Variants in MAGI2 observed in about 807,000 individuals in gnomAD.
MAGI2 encodes the protein membrane-associated guanylate kinase, WW and PDZ domain-containing protein 2.
A neutral mutation model predicts 133.3 loss-of-function variants in MAGI2; 35 were observed. The observed-to-expected ratio is 0.26, with a 90% CI of 0.20 to 0.35. MAGI2 has a LOEUF of 0.35. Among genes scored for constraint, MAGI2 ranks in the 10% least tolerant of loss-of-function variants. The pLI, the probability that MAGI2 is intolerant of heterozygous loss-of-function variation, is 1.00. For synonymous variants in MAGI2, 729 were observed against 710.6 expected (o/e 1.03, Z -0.41); for missense variants, 1,636 against 1,863.4 (o/e 0.88, Z 2.25).
intron 6 of MAGI2, among the ~76,000 whole-genome samples, chr7:78,386,997 A>T (rs1258392243): frequency 6.6e-6 from 1 of 152,232 alleles, no homozygotes; most frequent in Non-Finnish European, 1.5e-5. Flanking sequence ...TTGGTCTCAG[A>T]TTCTTCTGAG....
At chr7:78,721,929 T>G (rs1207920665) in intron 2 of MAGI2, among the ~76,000 whole-genome samples, 4 of 151,854 alleles carry the variant, frequency 2.6e-5, no homozygotes, top group Non-Finnish European at 4.4e-5. Flanking sequence ...ACTAGCAAAC[T>G]TGATTGTTTA....
At chr7:79,334,791 A>C (rs1840318848) in intron 1 of MAGI2, among the ~76,000 whole-genome samples, 1 of 152,180 alleles carries the variant, frequency 6.6e-6, no homozygotes, top group African/African-American at 2.4e-5. Flanking sequence ...TGTAATGATG[A>C]CATAGTCTGT....
At chr7:79,167,100 T>C (rs1825003834) in intron 1 of MAGI2, among the ~76,000 whole-genome samples, 1 of 152,096 alleles carries the variant, frequency 6.6e-6, no homozygotes. Context: ...CACATTTTTG[T>C]TCCAATTTAA....
chr7:79,222,025 A>G (rs1464867667), intron 1 of MAGI2, among the ~76,000 whole-genome samples: 3 of 152,078 alleles, frequency 2.0e-5, no homozygotes, highest in African/African-American at 7.3e-5. Context: ...AGGGTATAAT[A>G]CCATCTTGTG....
At chr7:79,203,625 T>C (rs964138873) in intron 1 of MAGI2, among the ~76,000 whole-genome samples, 1 of 151,874 alleles carries the variant, frequency 6.6e-6, no homozygotes, top group Non-Finnish European at 1.5e-5. Flanking sequence ...TGAAAAAAAA[T>C]TGTAGAATAT....
chr7:78,114,250 G>C (rs1162207108), intron 20 of MAGI2, among the ~76,000 whole-genome samples: 1 of 152,204 alleles, frequency 6.6e-6, no homozygotes, highest in Non-Finnish European at 1.5e-5. Context: ...GCTTAAGAGA[G>C]CTGATCAGTG....
intron 4 of MAGI2, among the ~76,000 whole-genome samples, chr7:78,504,318 T>G (rs1794896522): frequency 6.6e-6 from 1 of 151,542 alleles, no homozygotes; most frequent in African/African-American, 2.4e-5. Flanking sequence ...ATGGGGATAT[T>G]TTTGAAATAT....
In MAGI2 at chr7:79,427,149, C is replaced by T. The variant is rs149516123; in HGVS notation, c.301+25871G>A. Among the ~76,000 whole-genome samples the T allele has an allele frequency of 2.7e-3, 412 of 152,148 alleles. 2 individuals carry two copies. Among genetic ancestry groups the T allele is most frequent in the African/African-American group, 9.7e-3 (402 of 41,530 alleles). On this transcript the variant is annotated intron_variant, in intron 1 of 21. Transcript: ENST00000354212. ...CCTTGAAACAAGTATATTCTTCATT[C>T]AATAAATATTTACCGAGTACTTACT...
chr7:78,127,155 A>G (rs1393998128), intron 19 of MAGI2, 42 bp downstream of exon 19: 1 of 1,428,666 alleles, frequency 7.0e-7, no homozygotes, highest in African/African-American at 1.4e-5. Context: ...AGTTCTCTGG[A>G]AGCCTTGGTC....
chr7:78,473,949 A>G (rs1170691654), intron 6 of MAGI2, among the ~76,000 whole-genome samples: 1 of 152,034 alleles, frequency 6.6e-6, no homozygotes, highest in African/African-American at 2.4e-5. Context: ...GCCATGAAAC[A>G]GCTACAACCT....
chr7:79,349,563 A>G (rs963831185), intron 1 of MAGI2, among the ~76,000 whole-genome samples: 2 of 151,980 alleles, frequency 1.3e-5, no homozygotes, highest in African/African-American at 2.4e-5. Flanking sequence ...TATTTTACCT[A>G]AAAGAAAATT....
intron 6 of MAGI2, among the ~76,000 whole-genome samples, chr7:78,469,593 A>G (rs1790983470): frequency 6.6e-6 from 1 of 152,208 alleles, no homozygotes; most frequent in South Asian, 2.1e-4. Flanking sequence ...GCAAATTTGA[A>G]GACTTCTCTT....
rs943461970 is a variant in MAGI2, at chr7:79,385,814, C to A, written c.301+67206G>T. Reference sequence around the variant, plus strand: ...AATACAATCCTATTGTATTAGGGATCTTTGTTAAATAAGTAGATTGTAGCT... The same window carrying A: ...AATACAATCCTATTGTATTAGGGATATTTGTTAAATAAGTAGATTGTAGCT... On this transcript the variant is annotated intron_variant, in intron 1 of 21. Transcript: ENST00000354212. Among the ~76,000 whole-genome samples the A allele has an allele frequency of 2.0e-5, 3 of 151,858 alleles. No individual in the cohort carries two copies. In the East Asian group the frequency reaches 5.8e-4, roughly 29 times the overall value.
chr7:78,164,358 G>A (rs1404394), intron 15 of MAGI2, among the ~76,000 whole-genome samples: 14,998 of 152,274 alleles, frequency 0.098, 805 homozygotes, highest in East Asian at 0.17. Flanking sequence ...GACAGAGCTT[G>A]GTCATGTGGG....
intron 21 of MAGI2, among the ~76,000 whole-genome samples, chr7:78,044,410 C>T (rs375700153): frequency 6.6e-6 from 1 of 152,162 alleles, no homozygotes; most frequent in Non-Finnish European, 1.5e-5. Context: ...GTAAGGGCCA[C>T]CCACGATGGC....
intron 1 of MAGI2, among the ~76,000 whole-genome samples, chr7:79,095,796 A>T (rs75410769): frequency 6.6e-6 from 1 of 152,214 alleles, no homozygotes; most frequent in African/African-American, 2.4e-5. Context: ...AATAATAAAA[A>T]AGTTTGAAAT....
chr7:78,867,140 C>T (rs1794629396), intron 2 of MAGI2, among the ~76,000 whole-genome samples: 1 of 149,820 alleles, frequency 6.7e-6, no homozygotes, highest in Non-Finnish European at 1.5e-5. Flanking sequence ...GGTGATTCCT[C>T]AGGGATCTAG....
chr7:79,313,452 CT>C (rs1838452860), intron 1 of MAGI2, among the ~76,000 whole-genome samples: 1 of 152,054 alleles, frequency 6.6e-6, no homozygotes, highest in Non-Finnish European at 1.5e-5. Flanking sequence ...TCTTCCTCCC[CT>C]CTCCCTCTCT....
intron 1 of MAGI2, among the ~76,000 whole-genome samples, chr7:79,164,780 T>C (rs1256611914): frequency 6.6e-6 from 1 of 152,072 alleles, no homozygotes; most frequent in South Asian, 2.1e-4. Flanking sequence ...TGATGTCTCA[T>C]GCCTCCCTAA....
Sources: gnomAD v4.1 joint callset for allele counts (sites outside exome capture counted in the v4.1 genomes callset) on GRCh38, gnomAD v4.1.1 for gene constraint, MANE v1.5 for transcripts, NCBI Gene and HGNC (gene_info 2026-07-23, HGNC 2026-07-21) for gene names.